The following EML6 variants were observed in gnomAD, a reference collection of about 807,000 sequenced individuals.
EML6 encodes EMAP like 6, also known as echinoderm microtubule-associated protein-like 6.
In EML6, 154 loss-of-function variants were observed where a neutral mutation model predicts 240.1. The observed-to-expected ratio is 0.64, with a 90% confidence interval of 0.56 to 0.73. The LOEUF (loss-of-function observed/expected upper bound fraction) is 0.73, where lower values mean the gene tolerates loss of function less well. Among genes scored for constraint, EML6 ranks in the 30% least tolerant of loss-of-function variants. EML6 has a pLI of 0.00. For synonymous variants in EML6, 1,148 were observed against 899.0 expected (o/e 1.28, Z -4.95); for missense variants, 2,964 against 2,474.6 (o/e 1.20, Z -4.20).
At chr2:54,833,841 T>C (rs1668997270) in intron 7 of EML6, among the ~76,000 whole-genome samples, 1 of 152,222 alleles carries the variant, frequency 6.6e-6, no homozygotes, top group African/African-American at 2.4e-5. Flanking sequence ...TCTGCAATTC[T>C]CAAAGCCAAA....
At chr2:54,812,361 C>T (rs1020668878) in intron 2 of EML6, among the ~76,000 whole-genome samples, 1 of 151,430 alleles carries the variant, frequency 6.6e-6, no homozygotes, top group African/African-American at 2.4e-5. Flanking sequence ...CTGTGTTAAG[C>T]AGATACTGAA....
intron 16 of EML6, among the ~76,000 whole-genome samples, chr2:54,873,509 G>A (rs1162510941): frequency 2.0e-5 from 3 of 152,116 alleles, no homozygotes; most frequent in African/African-American, 4.8e-5. Flanking sequence ...GGTGTGCTGT[G>A]TGTCACTGAT....
intron 2 of EML6, among the ~76,000 whole-genome samples, chr2:54,811,474 C>G (rs1441339250): frequency 6.6e-6 from 1 of 152,196 alleles, no homozygotes; most frequent in Non-Finnish European, 1.5e-5. Context: ...CTCCATCTTT[C>G]TCCATCCTCC....
At chr2:54,871,337 T>G (rs1671245652) in intron 15 of EML6, among the ~76,000 whole-genome samples, 163 bp from the exon 16 acceptor site, 2 of 152,236 alleles carry the variant, frequency 1.3e-5, no homozygotes, top group South Asian at 4.1e-4. Context: ...TGCCTCAGTT[T>G]CCTCATCTCA....
intron 2 of EML6, among the ~76,000 whole-genome samples, chr2:54,797,174 A>AAACAAAC (rs1178706322): frequency 4.3e-5 from 6 of 141,054 alleles, no homozygotes; most frequent in African/African-American, 1.3e-4. Context: ...CAAAAAAAAA[A>AAACAAAC]AAAAAAAAAA....
At chr2:54,918,835 C>A (rs1558685504) in intron 26 of EML6, among the ~76,000 whole-genome samples, 1 of 152,176 alleles carries the variant, frequency 6.6e-6, no homozygotes, top group Non-Finnish European at 1.5e-5. Flanking sequence ...AATAAACCAA[C>A]CAATAAAATA....
intron 2 of EML6, among the ~76,000 whole-genome samples, chr2:54,791,212 G>T (rs1375125218): frequency 6.6e-6 from 1 of 152,128 alleles, no homozygotes; most frequent in Admixed American, 6.5e-5. Context: ...TTGCACGTGG[G>T]AACACAGATG....
chr2:54,818,375 T>C (rs1044574888), intron 4 of EML6, among the ~76,000 whole-genome samples: 10 of 152,182 alleles, frequency 6.6e-5, no homozygotes, highest in African/African-American at 2.4e-4. Flanking sequence ...AATTTAGGGG[T>C]ATACTTCCGT....
In EML6 at chr2:54,875,285, G is replaced by A. The variant is rs10432677; in HGVS notation, c.2344+3680G>A. Among the ~76,000 whole-genome samples the A allele has an allele frequency of 8.2e-3, 1,250 of 152,288 alleles. 36 individuals are homozygous for A. In the South Asian group the frequency reaches 0.092, roughly 11 times the overall value. The stretch of plus-strand genomic sequence containing the variant: ...GGGCAACTAATGCTACCATCCTTTG[G>A]AAACTGATAGAAAAGTGAGTAGCTC... On this transcript the variant is annotated intron_variant, in intron 16 of 41. Transcript: ENST00000356458.
At chr2:54,885,290 A>G (rs897772265) in intron 17 of EML6, among the ~76,000 whole-genome samples, 1 of 151,952 alleles carries the variant, frequency 6.6e-6, no homozygotes, top group African/African-American at 2.4e-5. Context: ...TACTAAAAAT[A>G]TAAAAAATTA....
At chr2:54,740,651 G>T (rs963911596) in intron 2 of EML6, among the ~76,000 whole-genome samples, 1 of 150,950 alleles carries the variant, frequency 6.6e-6, no homozygotes, top group Non-Finnish European at 1.5e-5. Flanking sequence ...GTTTTATGCT[G>T]CAGTGGTAGT....
intron 2 of EML6, among the ~76,000 whole-genome samples, chr2:54,795,776 T>C (rs1194007615): frequency 6.6e-6 from 1 of 152,214 alleles, no homozygotes; most frequent in African/African-American, 2.4e-5. Flanking sequence ...CAATACTTAA[T>C]ACTTGAGTGA....
intron 5 of EML6, among the ~76,000 whole-genome samples, chr2:54,820,994 C>T (rs949515709): frequency 5.3e-5 from 8 of 152,134 alleles, no homozygotes; most frequent in Admixed American, 2.0e-4. Flanking sequence ...TTGCTTCTTA[C>T]TATTTTGTTC....
chr2:54,968,683 T>A lies in EML6; in HGVS notation c.5767T>A (p.Tyr1923Asn). ...CTEKFAKHKR[Y>N]FGHSAHVTNI... ...TTGCTCACAGGCCAAACATAAGCGA[T>A]ACTTCGGTCACTCGGCTCACGTGAC... The change falls in exon 41 of 42, where the codon TAC becomes AAC. Residue 1923 changes from tyrosine (Y) to asparagine (N), a missense_variant. Physicochemically the swap from Tyr to Asn is moderately radical, Grantham distance 143 (BLOSUM62 -2). Transcript: ENST00000356458. 6.4e-7 allele frequency: 1 copy of A among 1,550,762 alleles called. No individual in the cohort carries two copies. Among genetic ancestry groups the A allele is most frequent in the East Asian group, 2.4e-5 (1 of 40,914 alleles).
At position 54,968,169 on chromosome 2, in the gene EML6, C is replaced by T; in HGVS notation, c.5639C>T (p.Ala1880Val). Residue 1880 changes from alanine (A) to valine (V), a missense_variant, in exon 40 of 42, where the codon GCA (alanine) becomes GTA (valine). Physicochemically the swap from Ala to Val is moderately conservative, Grantham distance 64. Coordinates refer to ENST00000356458, the MANE Select transcript of EML6 (RefSeq NM_001039753.4). ...DEVIGIWPRN[A>V]DKADVNCACV... The stretch of plus-strand genomic sequence containing the variant: ...GTCATTGGAATCTGGCCACGAAATG[C>T]AGACAAGGCTGATGTCAACTGCGCA... The T allele has an allele frequency of 6.4e-7, 1 of 1,551,602 alleles. No homozygotes were observed. The highest frequency in any genetic ancestry group is 8.7e-7 in the Non-Finnish European group (1 of 1,146,984).
intron 5 of EML6, among the ~76,000 whole-genome samples, 183 bp from the exon 6 acceptor site, chr2:54,827,383 C>A (rs1668647485): frequency 6.6e-6 from 1 of 152,106 alleles, no homozygotes; most frequent in Non-Finnish European, 1.5e-5. Flanking sequence ...TTCTTATGTT[C>A]CTGGTAGTTA....
intron 17 of EML6, among the ~76,000 whole-genome samples, chr2:54,887,770 G>A (rs1284960344): frequency 2.0e-5 from 3 of 152,062 alleles, no homozygotes; most frequent in Non-Finnish European, 4.4e-5. Flanking sequence ...ATATTTTAGA[G>A]TGGTTTTAGA....
chr2:54,763,822 G>A lies in EML6; in HGVS notation c.197+38564G>A, dbSNP rs191482842. On this transcript the variant is annotated intron_variant, in intron 2 of 41. Transcript: ENST00000356458. ...GGAAAGGCTCTGGTGCTTTCAGGGC[G>A]TGACACTAGGGGGCACCTTGGCTCT... 3.2e-4 allele frequency among the ~76,000 whole-genome samples: 48 copies of A among 152,308 alleles called. 1 individual carries two copies. In the East Asian group the frequency reaches 5.8e-3, roughly 18 times the overall value.
At chr2:54,822,824 C>T (rs1422858819) in intron 5 of EML6, among the ~76,000 whole-genome samples, 3 of 151,808 alleles carry the variant, frequency 2.0e-5, no homozygotes, top group Non-Finnish European at 1.5e-5. Context: ...AATATATATT[C>T]CAAAATAAGA....
Sources: allele counts gnomAD v4.1 joint callset (sites outside exome capture counted in the v4.1 genomes callset), GRCh38; gene constraint gnomAD v4.1.1; transcripts MANE v1.5; gene names NCBI Gene and HGNC (gene_info 2026-07-23, HGNC 2026-07-21).